The following MYEF2 variants were observed in gnomAD, a reference collection of about 807,000 sequenced individuals.
The protein encoded by MYEF2 is myelin expression factor 2.
In MYEF2, 37 loss-of-function variants were observed where a neutral mutation model predicts 75.2. That is an observed-to-expected ratio of 0.49 (90% CI 0.38 to 0.65). MYEF2 has a LOEUF of 0.65. MYEF2 is among the 30% of genes least tolerant of loss of function. The pLI, the probability that MYEF2 is intolerant of heterozygous loss-of-function variation, is 0.00. For missense variants in MYEF2, 634 were observed against 771.4 expected (o/e 0.82, Z 2.11); for synonymous variants, 195 against 241.6 (o/e 0.81, Z 1.79).
intron 1 of MYEF2, among the ~76,000 whole-genome samples, chr15:48,173,699 A>G (rs2040417833): frequency 6.6e-6 from 1 of 152,144 alleles, no homozygotes; most frequent in South Asian, 2.1e-4. Context: ...ATATCTACAC[A>G]CTAATAATAA....
chr15:48,143,615 A>G (rs909487793), intron 16 of MYEF2, among the ~76,000 whole-genome samples: 2 of 152,088 alleles, frequency 1.3e-5, no homozygotes, highest in Non-Finnish European at 2.9e-5. Flanking sequence ...CGTTTATTCA[A>G]TATCACAGTT....
chr15:48,142,622 AT>A lies in MYEF2; in HGVS notation c.*285del. On this transcript the variant is annotated 3_prime_UTR_variant, in exon 17 of 17. Transcript: ENST00000324324. ...AAACTGGAGAAACTAGAACAAACAAATCCAACTATGTAGTACTGAAAACAAC... is the reference window on the plus strand; with the variant it reads ...AAACTGGAGAAACTAGAACAAACAAACCAACTATGTAGTACTGAAAACAAC... 1 of 443,472 alleles carries A rather than the reference AT, an allele frequency of 2.3e-6. No individual in the cohort carries two copies. The allele number at this position is 443,472 out of a possible 1,614,324, so 27.5% of individuals were successfully genotyped here.
At chr15:48,152,941 T>C (rs1474386678) in intron 10 of MYEF2, 1 of 149,810 alleles carries the variant, frequency 6.7e-6, no homozygotes, top group Non-Finnish European at 1.5e-5. Context: ...GAGGGTTCAA[T>C]AGGTCAAAAC....
chr15:48,166,188 G>A, intron 3 of MYEF2, 60 bp from the exon 4 acceptor site: 2 of 1,340,776 alleles, frequency 1.5e-6, no homozygotes, highest in East Asian at 2.3e-5. Flanking sequence ...ATCAGTACAT[G>A]AAGTTAATAA....
chr15:48,152,181 G>A, intron 11 of MYEF2, 53 bp downstream of exon 11: 2 of 1,480,258 alleles, frequency 1.4e-6, no homozygotes, highest in South Asian at 1.2e-5. Flanking sequence ...ACAGTTTCTA[G>A]TTTATTAAAA....
At chr15:48,157,510 G>A (rs2080010160) in intron 9 of MYEF2, 1 of 155,694 alleles carries the variant, frequency 6.4e-6, no homozygotes, top group South Asian at 2.0e-4. Flanking sequence ...AAATAGTTAT[G>A]GAACATCTAT....
In MYEF2 at chr15:48,165,939, A is replaced by G. The variant is rs1427279757; in HGVS notation, c.519T>C (p.Ile173=). 4 of 1,528,632 alleles carry G rather than the reference A, an allele frequency of 2.6e-6. No individual in the cohort carries two copies. Among genetic ancestry groups the G allele is most frequent in the African/African-American group, 2.8e-5 (2 of 71,512 alleles). 94.7% of individuals were successfully genotyped at this position (1,528,632 alleles called of 1,614,324 possible). The change falls in exon 5 of 17, where the codon ATT becomes ATC. Residue 173 remains isoleucine, a synonymous_variant. Coordinates refer to ENST00000324324, the MANE Select transcript of MYEF2 (RefSeq NM_016132.5). The part of the protein sequence containing the change: ...KYDLSGRPLN[I]KEDPDGENAR... Reference sequence around the variant, plus strand: ...TAAATATGAGAAATCTTACCTCTTTAATATTAAGGGGTCTTCCACTAAGAT... The same window carrying G: ...TAAATATGAGAAATCTTACCTCTTTGATATTAAGGGGTCTTCCACTAAGAT...
At chr15:48,168,259 G>GA (rs1003540401) in intron 2 of MYEF2, among the ~76,000 whole-genome samples, 5 of 150,690 alleles carry the variant, frequency 3.3e-5, no homozygotes, top group African/African-American at 7.3e-5. Context: ...ACAGCTTTTG[G>GA]AAAAAAAATA....
chr15:48,169,155 G>T (rs1165694340), intron 1 of MYEF2, among the ~76,000 whole-genome samples: 1 of 152,174 alleles, frequency 6.6e-6, no homozygotes, highest in Non-Finnish European at 1.5e-5. Flanking sequence ...ACAGAGGGAA[G>T]AGCAGATAAT....
chr15:48,177,949 C>T, intron 1 of MYEF2, 128 bp downstream of exon 1: 1 of 1,271,774 alleles, frequency 7.9e-7, no homozygotes, highest in Non-Finnish European at 1.1e-6. Flanking sequence ...CCTCAGGAAG[C>T]CGATGGCCCG....
At chr15:48,146,673 G>C (rs2039295808) in intron 16 of MYEF2, among the ~76,000 whole-genome samples, 1 of 151,914 alleles carries the variant, frequency 6.6e-6, no homozygotes, top group Non-Finnish European at 1.5e-5. Flanking sequence ...TTCTTACTAA[G>C]AAGCAAGCAA....
Position 48,139,085 on chromosome 15 carries a change from T to C in MYEF2, c.*3823A>G, listed in dbSNP as rs200031114. ...CACACCAGATTGTAGAAAAAAGTTT[T>C]GGAAAAACTACTTTGTGATAACCTT... is the stretch of plus-strand genomic sequence containing the variant. On this transcript the variant is annotated 3_prime_UTR_variant, in exon 17 of 17. Coordinates refer to ENST00000324324, the MANE Select transcript of MYEF2 (RefSeq NM_016132.5). 7.4e-5 allele frequency: 119 copies of C among 1,613,142 alleles called. No homozygotes were observed. The highest frequency in any genetic ancestry group is 9.8e-5 in the Non-Finnish European group (115 of 1,179,406).
intron 16 of MYEF2, among the ~76,000 whole-genome samples, chr15:48,143,636 G>A (rs2039166944): frequency 6.6e-6 from 1 of 151,994 alleles, no homozygotes; most frequent in Non-Finnish European, 1.5e-5. Context: ...TGAGCTCAAA[G>A]TCTTAAGAAT....
chr15:48,162,507 A>G (rs935569483), intron 5 of MYEF2, among the ~76,000 whole-genome samples: 16 of 152,178 alleles, frequency 1.1e-4, no homozygotes, highest in African/African-American at 3.6e-4. Flanking sequence ...TTTACCATGT[A>G]TCTCATTTAA....
intron 1 of MYEF2, among the ~76,000 whole-genome samples, chr15:48,171,106 A>G (rs190376176): frequency 2.2e-4 from 34 of 152,358 alleles, no homozygotes; most frequent in Non-Finnish European, 3.7e-4. Flanking sequence ...AATGGCAGCA[A>G]GCAGCCAAAA....
In MYEF2 at chr15:48,149,511, TAATTA is replaced by T; in HGVS notation, c.1379-145_1379-141del. 1.9e-6 allele frequency: 1 copy of T among 521,606 alleles called. No homozygotes were observed. The highest frequency in any genetic ancestry group is 3.2e-6 in the Non-Finnish European group (1 of 308,136). The allele number at this position is 521,606 out of a possible 1,614,324, so 32.3% of individuals were successfully genotyped here. On this transcript the variant is annotated intron_variant, in intron 14 of 16. Coordinates refer to ENST00000324324, the MANE Select transcript of MYEF2 (RefSeq NM_016132.5). The surrounding 1 kb of genome is among the most constrained non-coding windows in gnomAD (Gnocchi z 4.0). Reference sequence around the variant, plus strand: ...GAAGGGGGAAATTAATTTGTTTATATAATTAAATAATATAAAAACATAAAATTATT... The same window carrying T: ...GAAGGGGGAAATTAATTTGTTTATATAATAATATAAAAACATAAAATTATT...
intron 1 of MYEF2, among the ~76,000 whole-genome samples, chr15:48,176,579 C>A (rs1371366322): frequency 6.6e-6 from 1 of 152,102 alleles, no homozygotes; most frequent in Admixed American, 6.5e-5. Context: ...CCAAACTTCC[C>A]CTATATCAAA....
At chr15:48,172,109 C>G (rs143418960) in intron 1 of MYEF2, among the ~76,000 whole-genome samples, 1 of 152,028 alleles carries the variant, frequency 6.6e-6, no homozygotes, top group Non-Finnish European at 1.5e-5. Flanking sequence ...TTAAGAAAAA[C>G]GACCTCCAGG....
In MYEF2 at chr15:48,139,042, T is replaced by G. The variant is rs1278649521; in HGVS notation, c.*3866A>C. On this transcript the variant is annotated 3_prime_UTR_variant, in exon 17 of 17. Coordinates refer to ENST00000324324, the MANE Select transcript of MYEF2 (RefSeq NM_016132.5). ...TTTGGGTATTATCCCTTCCTATTATTACATTACTTTTTCTAACCACACCAG... is the reference window on the plus strand; with the variant it reads ...TTTGGGTATTATCCCTTCCTATTATGACATTACTTTTTCTAACCACACCAG... The G allele has an allele frequency of 6.2e-7, 1 of 1,613,004 alleles. No individual in the cohort carries two copies. Among genetic ancestry groups the G allele is most frequent in the Non-Finnish European group, 8.5e-7 (1 of 1,179,308 alleles).
Sources: gnomAD v4.1 joint callset for allele counts (sites outside exome capture counted in the v4.1 genomes callset) on GRCh38, gnomAD v4.1.1 for gene constraint, Gnocchi (gnomAD v3.1) non-coding constraint, MANE v1.5 for transcripts, NCBI Gene and HGNC (gene_info 2026-07-23, HGNC 2026-07-21) for gene names.